STK3: variants seen among roughly 807,000 people sequenced by gnomAD.
STK3 encodes serine/threonine-protein kinase 3.
A neutral mutation model predicts 58.0 loss-of-function variants in STK3; 41 were observed. That is an observed-to-expected ratio of 0.71 (90% CI 0.55 to 0.92). The LOEUF is 0.92. STK3 is among the 40% of genes least tolerant of loss of function. The pLI, the probability that STK3 is intolerant of heterozygous loss-of-function variation, is 0.00. For missense variants in STK3, 479 were observed against 602.7 expected, an observed-to-expected ratio of 0.79 and a Z score of 2.15; for synonymous variants, 170 against 191.0, an observed-to-expected ratio of 0.89 and a Z score of 0.91.
intron 1 of STK3, among the ~76,000 whole-genome samples, chr8:98,447,199 T>C (rs1178885454): frequency 1.3e-5 from 2 of 151,944 alleles, no homozygotes; most frequent in Non-Finnish European, 2.9e-5. Context: ...ACATATGGAT[T>C]TACCTATGTA....
chr8:98,468,120 C>A (rs1193433941), intron 10 of STK3, among the ~76,000 whole-genome samples: 1 of 152,196 alleles, frequency 6.6e-6, no homozygotes, highest in Non-Finnish European at 1.5e-5. Context: ...ATCCACAGTT[C>A]ATTTAAAACA....
At chr8:98,850,177 T>A (rs1032266940) in intron 3 of STK3, among the ~76,000 whole-genome samples, 1 of 152,310 alleles carries the variant, frequency 6.6e-6, no homozygotes, top group East Asian at 1.9e-4. Flanking sequence ...ATTTAATTAA[T>A]TTTTTTAGAG....
chr8:98,690,078 G>A (rs942517986), intron 6 of STK3, among the ~76,000 whole-genome samples: 3 of 151,836 alleles, frequency 2.0e-5, no homozygotes, highest in Admixed American at 1.3e-4. Context: ...ACAAACTCAC[G>A]GCCAACATCA....
chr8:98,774,148 C>G (rs1831507464), intron 2 of STK3, among the ~76,000 whole-genome samples: 1 of 152,054 alleles, frequency 6.6e-6, no homozygotes, highest in South Asian at 2.1e-4. Flanking sequence ...CTTGTTCTTG[C>G]TGATCTATAA....
chr8:98,444,874 A>G (rs1265362627), intron 1 of STK3, among the ~76,000 whole-genome samples: 1 of 152,036 alleles, frequency 6.6e-6, no homozygotes, highest in Non-Finnish European at 1.5e-5. Context: ...TGCAGGAGTT[A>G]CCCCTGTGTT....
intron 9 of STK3, among the ~76,000 whole-genome samples, chr8:98,541,710 T>C (rs544034008): frequency 6.6e-6 from 1 of 152,362 alleles, no homozygotes; most frequent in African/African-American, 2.4e-5. Context: ...CACTACATAG[T>C]GTCTACAAGG....
intron 1 of STK3, among the ~76,000 whole-genome samples, chr8:98,916,464 G>A (rs1212495130): frequency 6.6e-6 from 1 of 152,132 alleles, no homozygotes; most frequent in African/African-American, 2.4e-5. Flanking sequence ...TCAGCTTCTA[G>A]CGTAGTGCTG....
intron 1 of STK3, among the ~76,000 whole-genome samples, chr8:98,919,858 C>T (rs776245724): frequency 7.9e-5 from 12 of 152,118 alleles, no homozygotes; most frequent in Non-Finnish European, 1.5e-4. Flanking sequence ...GGATGAGGAC[C>T]GACACAGTCA....
chr8:98,434,476 A>G (rs529836677), intron 2 of STK3, among the ~76,000 whole-genome samples: 1 of 152,378 alleles, frequency 6.6e-6, no homozygotes, highest in Admixed American at 6.5e-5. Flanking sequence ...AATTTAAACT[A>G]GCATTTCCAC....
chr8:98,401,427 A>G (rs1308165963), exon 4 of STK3: 2 of 152,226 alleles, frequency 1.3e-5, no homozygotes, highest in East Asian at 1.9e-4. Context: ...TTAATGTAGC[A>G]ATGGATAACA....
chr8:98,740,036 G>T (rs1587476558), intron 4 of STK3, among the ~76,000 whole-genome samples: 1 of 152,254 alleles, frequency 6.6e-6, no homozygotes, highest in East Asian at 1.9e-4. Flanking sequence ...GAGAAGGGAA[G>T]TTTAGAGAAA....
chr8:98,623,050 G>A (rs945062875), intron 6 of STK3, among the ~76,000 whole-genome samples: 10 of 152,068 alleles, frequency 6.6e-5, no homozygotes, highest in African/African-American at 2.4e-4. Flanking sequence ...GATGAGTAAT[G>A]CTCCAAAATA....
chr8:98,937,163 C>T (rs978764504), intron 1 of STK3, among the ~76,000 whole-genome samples: 3 of 152,162 alleles, frequency 2.0e-5, no homozygotes, highest in Non-Finnish European at 2.9e-5. Context: ...CCAATCTAGC[C>T]GTCTGCCTCT....
At chr8:98,470,330 CAGTGCAT>C (rs1563635116) in intron 10 of STK3, among the ~76,000 whole-genome samples, 1 of 152,212 alleles carries the variant, frequency 6.6e-6, no homozygotes, top group East Asian at 1.9e-4. Flanking sequence ...CTCTTAACCA[CAGTGCAT>C]GATCTTGTGA....
At chr8:98,907,708 T>C (rs1838972040) in intron 1 of STK3, among the ~76,000 whole-genome samples, 1 of 152,248 alleles carries the variant, frequency 6.6e-6, no homozygotes, top group Non-Finnish European at 1.5e-5. Flanking sequence ...GCAATCACAT[T>C]ATAGTACCTA....
intron 3 of STK3, among the ~76,000 whole-genome samples, chr8:98,409,381 C>T (rs148342936): frequency 6.2e-4 from 94 of 152,344 alleles, no homozygotes; most frequent in African/African-American, 2.2e-3. Context: ...CTTCTGTCTG[C>T]ACGAGGAGCC....
chr8:98,907,682 T>A (rs1838971023), intron 1 of STK3, among the ~76,000 whole-genome samples: 2 of 152,234 alleles, frequency 1.3e-5, no homozygotes, highest in African/African-American at 4.8e-5. Flanking sequence ...GAAAGCTCTT[T>A]TTGAGAAATA....
intron 8 of STK3, among the ~76,000 whole-genome samples, chr8:98,569,083 G>C (rs1009411186): frequency 1.3e-5 from 2 of 152,140 alleles, no homozygotes; most frequent in African/African-American, 4.8e-5. Context: ...GTATCTGAAT[G>C]GCATCTATCT....
intron 3 of STK3, among the ~76,000 whole-genome samples, chr8:98,407,832 T>C (rs1818013692): frequency 6.6e-6 from 1 of 152,144 alleles, no homozygotes; most frequent in Non-Finnish European, 1.5e-5. Flanking sequence ...AGCTTTATGC[T>C]GTCACATCTC....
Sources: allele counts gnomAD v4.1 joint callset (sites outside exome capture counted in the v4.1 genomes callset), GRCh38; gene constraint gnomAD v4.1.1; transcripts MANE v1.5; gene names NCBI Gene and HGNC (gene_info 2026-07-23, HGNC 2026-07-21).